Variants in PPP2R2D observed in about 807,000 individuals in gnomAD.
PPP2R2D encodes protein phosphatase 2 regulatory subunit Bdelta, also known as serine/threonine-protein phosphatase 2A 55 kDa regulatory subunit B delta isoform.
Under a neutral mutation model 31.1 loss-of-function variants are expected in PPP2R2D, and 9 were observed. That is an observed-to-expected ratio of 0.29 (90% CI 0.17 to 0.51). The LOEUF (loss-of-function observed/expected upper bound fraction) is 0.51, where lower values mean the gene tolerates loss of function less well. PPP2R2D is among the 20% of genes least tolerant of loss of function. The pLI is 0.98. For missense variants in PPP2R2D, 391 were observed against 465.6 expected (o/e 0.84, Z 1.48); for synonymous variants, 179 against 172.6 (o/e 1.04, Z -0.29).
rs782383793 is a variant in PPP2R2D, at chr10:131,947,505, G to A, written c.821-25G>A. The stretch of plus-strand genomic sequence containing the variant: ...GTTCTCTGATTTTTAAACAGAAGCT[G>A]AAAACATTTTATTTTGTTTTTCAGT... On this transcript the variant is annotated intron_variant, in intron 7 of 8. Coordinates refer to ENST00000455566, the MANE Select transcript of PPP2R2D (RefSeq NM_018461.5). This position sits in a 1 kb window ranked among gnomAD's most constrained non-coding sequence, Gnocchi z 4.3. 18 of 1,605,244 alleles carry A rather than the reference G, an allele frequency of 1.1e-5. No individual in the cohort carries two copies. Among genetic ancestry groups the A allele is most frequent in the Non-Finnish European group, 1.4e-5 (17 of 1,175,276 alleles).
At chr10:131,970,851 A>C in the PPP2R2D span, 4 of 1,614,206 alleles carry the variant, frequency 2.5e-6, no homozygotes, top group Non-Finnish European at 3.4e-6. This position sits in a 1 kb window ranked among gnomAD's most constrained non-coding sequence, Gnocchi z 4.1. Context: ...CGTGACACTG[A>C]GAACACACTC....
chr10:131,946,192 T>C (rs889491375), intron 7 of PPP2R2D, among the ~76,000 whole-genome samples: 1 of 152,254 alleles, frequency 6.6e-6, no homozygotes, highest in Non-Finnish European at 1.5e-5. Flanking sequence ...TAGCTGAAAG[T>C]CTAGCATTTT....
the PPP2R2D span, chr10:131,970,536 C>G: frequency 3.4e-6 from 5 of 1,449,326 alleles, no homozygotes; most frequent in Non-Finnish European, 1.9e-6. This position sits in a 1 kb window ranked among gnomAD's most constrained non-coding sequence, Gnocchi z 4.1. Context: ...CAAGCTGTAA[C>G]TGATGATCTG....
intron 2 of PPP2R2D, among the ~76,000 whole-genome samples, chr10:131,923,272 C>A (rs571481106): frequency 6.6e-6 from 1 of 152,206 alleles, no homozygotes; most frequent in Admixed American, 6.5e-5. Context: ...TTCTCCCCAG[C>A]GTGATGCCGG....
intron 8 of PPP2R2D, among the ~76,000 whole-genome samples, chr10:131,950,736 C>A (rs957972574): frequency 3.9e-5 from 6 of 152,120 alleles, no homozygotes; most frequent in African/African-American, 1.4e-4. Context: ...AGCTCTGCCA[C>A]CTGGACGGCC....
chr10:131,922,734 C>T (rs2036016491), intron 2 of PPP2R2D, among the ~76,000 whole-genome samples: 1 of 152,140 alleles, frequency 6.6e-6, no homozygotes, highest in Non-Finnish European at 1.5e-5. Context: ...GCATGAGCTA[C>T]TGCGCCCGGC....
rs2036520517 is a variant in PPP2R2D, at chr10:131,945,481, A to T, written c.820+22A>T. 3.8e-6 allele frequency: 6 copies of T among 1,584,704 alleles called. No individual in the cohort carries two copies. The African/African-American group carries it at 5.4e-5, about 14-fold the overall frequency. On this transcript the variant is annotated intron_variant, in intron 7 of 8. Transcript: ENST00000455566. The surrounding 1 kb of genome is among the most constrained non-coding windows in gnomAD (Gnocchi z 4.8). ...AAGTGTAAGTGCGTCTGTTGTTGAG[A>T]TGGAGTCTGGCTCTGTCACCCAGGC...
chr10:131,932,533 G>A (rs530407271), intron 2 of PPP2R2D, among the ~76,000 whole-genome samples: 1 of 151,702 alleles, frequency 6.6e-6, no homozygotes, highest in Non-Finnish European at 1.5e-5. Context: ...TGGGTGTGGT[G>A]GTGCACGCCT....
In PPP2R2D at chr10:131,945,578, G is replaced by A. The variant is rs1020708975; in HGVS notation, c.820+119G>A. On this transcript the variant is annotated intron_variant, in intron 7 of 8. Coordinates refer to ENST00000455566, the MANE Select transcript of PPP2R2D (RefSeq NM_018461.5). This position sits in a 1 kb window ranked among gnomAD's most constrained non-coding sequence, Gnocchi z 4.8. The stretch of plus-strand genomic sequence containing the variant: ...GGGTTCCAGCAAGTCTTCTGCCTCG[G>A]CCTCCCGAGTAGCTGGGACCACAGG... 8.1e-7 allele frequency: 1 copy of A among 1,238,172 alleles called. No homozygotes were observed. Among genetic ancestry groups the A allele is most frequent in the African/African-American group, 1.5e-5 (1 of 66,226 alleles). The allele number at this position is 1,238,172 out of a possible 1,614,324, so 76.7% of individuals were successfully genotyped here.
At chr10:131,921,660 A>G (rs1360530969) in intron 2 of PPP2R2D, among the ~76,000 whole-genome samples, 1 of 152,218 alleles carries the variant, frequency 6.6e-6, no homozygotes, top group East Asian at 1.9e-4. Flanking sequence ...AGTTTAAAAA[A>G]TAGAACTCAC....
At chr10:131,948,560 TAAGC>T (rs1237465324) in intron 8 of PPP2R2D, among the ~76,000 whole-genome samples, 2 of 152,154 alleles carry the variant, frequency 1.3e-5, no homozygotes, top group Non-Finnish European at 2.9e-5. Flanking sequence ...AGCTCACAGA[TAAGC>T]AAGGGAAATC....
At chr10:131,941,705 C>T (rs1298615411) in intron 5 of PPP2R2D, among the ~76,000 whole-genome samples, 1 of 152,312 alleles carries the variant, frequency 6.6e-6, no homozygotes, top group East Asian at 1.9e-4. Flanking sequence ...CCGCAGAAGC[C>T]TTTCCCTAAC....
intron 3 of PPP2R2D, 104 bp from the exon 4 acceptor site, chr10:131,939,927 G>T: frequency 2.5e-6 from 1 of 405,408 alleles, no homozygotes. Context: ...GGATTTTTTA[G>T]CTTTAAAAAA....
chr10:131,940,892 T>A, intron 5 of PPP2R2D, 198 bp downstream of exon 5: 3 of 501,460 alleles, frequency 6.0e-6, no homozygotes, highest in Non-Finnish European at 1.1e-5. Context: ...AGGCAGAAAG[T>A]CACATGTGGT....
intron 8 of PPP2R2D, among the ~76,000 whole-genome samples, chr10:131,949,560 C>T (rs535511918): frequency 6.6e-6 from 1 of 152,280 alleles, no homozygotes; most frequent in South Asian, 2.1e-4. Context: ...CACAGCAGAA[C>T]TGAACCTCCG....
chr10:131,934,941 C>A (rs1402895034), intron 3 of PPP2R2D: 2 of 456,748 alleles, frequency 4.4e-6, no homozygotes, highest in African/African-American at 4.0e-5. Context: ...GTGTGAGCAG[C>A]TTTCTCAGCA....
At chr10:131,966,086 G>A in the PPP2R2D span, among the ~76,000 whole-genome samples, 1 of 152,254 alleles carries the variant, frequency 6.6e-6, no homozygotes, top group Admixed American at 6.5e-5. Context: ...ATTCCTAGAA[G>A]TGGTTTGTGT....
At chr10:131,936,556 C>T (rs2036344947) in intron 3 of PPP2R2D, among the ~76,000 whole-genome samples, 1 of 152,214 alleles carries the variant, frequency 6.6e-6, no homozygotes, top group Non-Finnish European at 1.5e-5. Context: ...AGGGAAGATG[C>T]CTCATCCCTG....
At chr10:131,931,947 G>T (rs1385928552) in intron 2 of PPP2R2D, among the ~76,000 whole-genome samples, 1 of 152,022 alleles carries the variant, frequency 6.6e-6, no homozygotes, top group African/African-American at 2.4e-5. Context: ...GGACCAAGCA[G>T]CTCTGTGAAG....
Sources: allele counts gnomAD v4.1 joint callset (sites outside exome capture counted in the v4.1 genomes callset), GRCh38; gene constraint gnomAD v4.1.1; non-coding constraint Gnocchi (gnomAD v3.1); transcripts MANE v1.5; gene names NCBI Gene and HGNC (gene_info 2026-07-23, HGNC 2026-07-21).